RBFOX3: variants seen among roughly 807,000 people sequenced by gnomAD.
RBFOX3 encodes RNA binding protein fox-1 homolog 3.
A neutral mutation model predicts 48.7 loss-of-function variants in RBFOX3; 17 were observed. That is an observed-to-expected ratio of 0.35 (90% CI 0.24 to 0.52). The LOEUF (loss-of-function observed/expected upper bound fraction) is 0.52. Ranked by LOEUF, RBFOX3 falls within the 20% of genes least tolerant of loss-of-function variation. The pLI, the probability that RBFOX3 is intolerant of heterozygous loss-of-function variation, is 0.94. For missense variants in RBFOX3, 382 were observed against 497.5 expected, an observed-to-expected ratio of 0.77 and a Z score of 2.21; for synonymous variants, 212 against 209.5, an observed-to-expected ratio of 1.01 and a Z score of -0.10.
the RBFOX3 span, among the ~76,000 whole-genome samples, chr17:79,620,155 G>A: frequency 0.22 from 16,164 of 73,162 alleles, 2,093 homozygotes; most frequent in African/African-American, 0.43. Flanking sequence ...ACACATGCAC[G>A]CGCGGACATG....
chr17:79,346,807 T>G (rs1178441211), intron 2 of RBFOX3, among the ~76,000 whole-genome samples: 1 of 152,220 alleles, frequency 6.6e-6, no homozygotes, highest in African/African-American at 2.4e-5. Flanking sequence ...AAAATTAAAT[T>G]TATTCCTAGG....
intron 2 of RBFOX3, among the ~76,000 whole-genome samples, chr17:79,406,640 G>A (rs1057343340): frequency 6.6e-5 from 10 of 152,130 alleles, no homozygotes; most frequent in African/African-American, 2.4e-4. Flanking sequence ...AATGTGACGC[G>A]GCGCTGAGTG....
At chr17:79,580,507 A>C (rs1181077240) in intron 1 of RBFOX3, among the ~76,000 whole-genome samples, 12 of 152,190 alleles carry the variant, frequency 7.9e-5, no homozygotes, top group African/African-American at 2.4e-4. Context: ...ACGACTGTTC[A>C]GCGGTGCTCA....
chr17:79,349,307 A>C (rs1210957603), intron 2 of RBFOX3, among the ~76,000 whole-genome samples: 1 of 149,956 alleles, frequency 6.7e-6, no homozygotes, highest in African/African-American at 2.5e-5. Context: ...ACCTCTCACC[A>C]CTCGCACTCC....
chr17:79,464,234 G>A (rs939895381), intron 2 of RBFOX3, among the ~76,000 whole-genome samples: 1 of 151,620 alleles, frequency 6.6e-6, no homozygotes, highest in Admixed American at 6.5e-5. Flanking sequence ...TCACCACCAA[G>A]GAGACTGGCC....
intron 3 of RBFOX3, among the ~76,000 whole-genome samples, chr17:79,269,778 T>A (rs774932595): frequency 2.7e-5 from 4 of 148,804 alleles, no homozygotes; most frequent in Non-Finnish European, 5.9e-5. Flanking sequence ...GCCATTAGCA[T>A]TTAAATGCTG....
At chr17:79,608,460 G>A (rs1470695833) in intron 1 of RBFOX3, among the ~76,000 whole-genome samples, 4 of 152,186 alleles carry the variant, frequency 2.6e-5, no homozygotes, top group African/African-American at 7.2e-5. Flanking sequence ...AATCACCCAG[G>A]TTCCCTTTTT....
At chr17:79,246,034 G>T (rs1370427273) in intron 3 of RBFOX3, among the ~76,000 whole-genome samples, 1 of 151,186 alleles carries the variant, frequency 6.6e-6, no homozygotes, top group African/African-American at 2.4e-5. Context: ...AAAAATTGTT[G>T]CTCAACCTTA....
rs546841612 is a variant in RBFOX3, at chr17:79,214,284, A to G, written c.-34+21482T>C. On this transcript the variant is annotated intron_variant, in intron 4 of 14. Transcript: ENST00000693108. The surrounding 1 kb of genome is among the most constrained non-coding windows in gnomAD (Gnocchi z 4.7). ...GGCTGTGTGTTGGTTGCCGGCATGA[A>G]AAAACACTTTGCTTAATGATTTTTA... Among the ~76,000 whole-genome samples, 6 of 152,270 alleles carry G rather than the reference A, an allele frequency of 3.9e-5. No homozygotes were observed. The highest frequency in any genetic ancestry group is 8.8e-5 in the Non-Finnish European group (6 of 68,020).
At chr17:79,529,783 C>T (rs2150069284) in intron 1 of RBFOX3, among the ~76,000 whole-genome samples, 1 of 152,332 alleles carries the variant, frequency 6.6e-6, no homozygotes, top group Non-Finnish European at 1.5e-5. Context: ...CTGCCCCCGT[C>T]CCCTGAGGCT....
chr17:79,166,909 G>A (rs1202358725), intron 4 of RBFOX3, among the ~76,000 whole-genome samples: 1 of 152,224 alleles, frequency 6.6e-6, no homozygotes, highest in African/African-American at 2.4e-5. Context: ...GAATTTTACA[G>A]TATGCAAATT....
At chr17:79,127,196 C>T (rs1403175739) in intron 4 of RBFOX3, among the ~76,000 whole-genome samples, 2 of 152,244 alleles carry the variant, frequency 1.3e-5, no homozygotes, top group East Asian at 1.9e-4. Context: ...TCCGGGTGCA[C>T]CCTTCCTTCC....
intron 1 of RBFOX3, among the ~76,000 whole-genome samples, chr17:79,506,048 T>C (rs1390855887): frequency 1.3e-5 from 2 of 152,226 alleles, no homozygotes; most frequent in Non-Finnish European, 2.9e-5. Context: ...TAGATGCTTA[T>C]GGCAAACGTT....
chr17:79,309,761 T>TCTC (rs2076587274), intron 2 of RBFOX3, among the ~76,000 whole-genome samples: 1 of 152,128 alleles, frequency 6.6e-6, no homozygotes, highest in South Asian at 2.1e-4. Flanking sequence ...GTGAGTGAGT[T>TCTC]CTCGTGAGAG....
At position 79,231,297 on chromosome 17, in the gene RBFOX3, C is replaced by T. The variant is rs938609178; in HGVS notation, c.-34+4469G>A. ...TGGAGAAAACCACCCAAGGTTGAGG[C>T]GAGAACCCCCTGGAGGGATGAAGGA... On this transcript the variant is annotated intron_variant, in intron 4 of 14. Transcript: ENST00000693108. 6.6e-5 allele frequency among the ~76,000 whole-genome samples: 10 copies of T among 152,094 alleles called. 1 individual carries two copies. Among genetic ancestry groups the T allele is most frequent in the Admixed American group, 5.2e-4 (8 of 15,272 alleles).
intron 1 of RBFOX3, among the ~76,000 whole-genome samples, chr17:79,554,541 C>A (rs994248221): frequency 6.6e-6 from 1 of 152,246 alleles, no homozygotes; most frequent in Non-Finnish European, 1.5e-5. Context: ...GTGCTTCGCA[C>A]CCCGCTGTGA....
chr17:79,090,982 A>G lies in RBFOX3; in HGVS notation c.1078-97T>C, dbSNP rs1038253895. 1.6e-5 allele frequency: 21 copies of G among 1,284,300 alleles called. No homozygotes were observed. In the African/African-American group the frequency reaches 2.1e-4, roughly 13 times the overall value. 79.6% of individuals were successfully genotyped at this position (1,284,300 alleles called of 1,614,324 possible). On this transcript the variant is annotated intron_variant, in intron 14 of 14. Coordinates refer to ENST00000693108, the MANE Select transcript of RBFOX3 (RefSeq NM_001350451.2). ...CCACGTGGCACGGGGCCCCTGGCCT[A>G]AAGTCCTGGCGCCGCCACACCTGCC...
chr17:79,404,597 C>T (rs1185744486), intron 2 of RBFOX3, among the ~76,000 whole-genome samples: 1 of 152,182 alleles, frequency 6.6e-6, no homozygotes, highest in Non-Finnish European at 1.5e-5. Flanking sequence ...TCCAGGCCAC[C>T]AGCTCCACGG....
intron 1 of RBFOX3, among the ~76,000 whole-genome samples, chr17:79,557,313 G>A (rs1240660605): frequency 2.0e-5 from 3 of 151,564 alleles, no homozygotes; most frequent in African/African-American, 7.3e-5. Flanking sequence ...AATCCAGGCA[G>A]TGTGGCCCCA....
Sources: allele counts gnomAD v4.1 joint callset (sites outside exome capture counted in the v4.1 genomes callset), GRCh38; gene constraint gnomAD v4.1.1; non-coding constraint Gnocchi (gnomAD v3.1); transcripts MANE v1.5; gene names NCBI Gene and HGNC (gene_info 2026-07-23, HGNC 2026-07-21).